Variants in LRPPRC observed in about 807,000 individuals in gnomAD.
LRPPRC encodes leucine-rich PPR motif-containing protein, mitochondrial.
A neutral mutation model predicts 180.3 loss-of-function variants in LRPPRC; 120 were observed. The observed-to-expected ratio is 0.67, with a 90% CI of 0.57 to 0.77. The LOEUF (loss-of-function observed/expected upper bound fraction) is 0.77, where lower values mean the gene tolerates loss of function less well. LRPPRC is among the 30% of genes least tolerant of loss of function. The pLI, the probability that LRPPRC is intolerant of heterozygous loss-of-function variation, is 0.00. For missense variants in LRPPRC, 2,012 were observed against 1,657.2 expected (o/e 1.21, Z -3.72); for synonymous variants, 723 against 600.0 (o/e 1.21, Z -3.00).
At chr2:43,993,567 A>G (rs554534561) in intron 1 of LRPPRC, among the ~76,000 whole-genome samples, 14 of 152,160 alleles carry the variant, frequency 9.2e-5, no homozygotes, top group Non-Finnish European at 1.6e-4. Context: ...TCTGTGTTTC[A>G]CGTGGGCAAG....
rs746311499 is a variant in LRPPRC at position 43,982,330 on chromosome 2, CAATCAAACTGATTGG to C, written c.239_253del (p.Ser80_Asp84del). The C allele has an allele frequency of 6.2e-7, 1 of 1,613,168 alleles. No individual in the cohort carries two copies. Among genetic ancestry groups the C allele is most frequent in the East Asian group, 2.2e-5 (1 of 44,880 alleles). Reference sequence around the variant, plus strand: ...AGAAAGATCTAGTCTCATTAGAGCCCAATCAAACTGATTGGAAATCTTCCTAGAAGAAAAAGTGGA... The same window carrying C: ...AGAAAGATCTAGTCTCATTAGAGCCCAAATCTTCCTAGAAGAAAAAGTGGA... On this transcript the variant is annotated inframe_deletion, in exon 2 of 38. Coordinates refer to ENST00000260665, the MANE Select transcript of LRPPRC (RefSeq NM_133259.4).
chr2:43,932,678 T>A (rs1030830513), intron 25 of LRPPRC, among the ~76,000 whole-genome samples: 3 of 152,190 alleles, frequency 2.0e-5, no homozygotes, highest in Non-Finnish European at 4.4e-5. Context: ...AGGGAATTAA[T>A]ATTATTGATC....
At chr2:43,990,321 CT>C (rs1674719067) in intron 1 of LRPPRC, among the ~76,000 whole-genome samples, 1 of 152,210 alleles carries the variant, frequency 6.6e-6, no homozygotes, top group South Asian at 2.1e-4. Flanking sequence ...CACCAATCTT[CT>C]GTTCTCTTTC....
chr2:43,979,374 C>T (rs78815559), intron 3 of LRPPRC, among the ~76,000 whole-genome samples: 36 of 152,124 alleles, frequency 2.4e-4, no homozygotes, highest in African/African-American at 7.5e-4. Flanking sequence ...AACAGTTACA[C>T]AGTAATCTAT....
At chr2:43,926,314 T>G (rs924453300) in intron 25 of LRPPRC, among the ~76,000 whole-genome samples, 21 of 152,194 alleles carry the variant, frequency 1.4e-4, no homozygotes, top group African/African-American at 5.1e-4. Context: ...TATACTGTCT[T>G]TAGTTCAAAA....
rs748429161 is a variant in LRPPRC, at chr2:43,960,536, C to G, written c.1582+5G>C. ...TCAAGTTTACCGCTAATGTTGTATA[C>G]TTACAAAATGATAATACAAAGTCTA... On this transcript the variant is annotated splice_donor_5th_base_variant and intron_variant, in intron 13 of 37. Transcript: ENST00000260665. 6.7e-7 allele frequency: 1 copy of G among 1,491,170 alleles called. No homozygotes were observed. The highest frequency in any genetic ancestry group is 9.3e-7 in the Non-Finnish European group (1 of 1,069,806). The allele number at this position is 1,491,170 out of a possible 1,614,324, so 92.4% of individuals were successfully genotyped here. A position where few individuals can be genotyped will look rare whatever the true frequency, so the allele number is the denominator to read the frequency against.
At chr2:43,936,776 T>C (rs1420979798) in intron 23 of LRPPRC, among the ~76,000 whole-genome samples, 1 of 152,158 alleles carries the variant, frequency 6.6e-6, no homozygotes, top group African/African-American at 2.4e-5. Flanking sequence ...TTTTTGTCAT[T>C]TGGGGTGAAG....
chr2:43,946,997 G>T (rs1194371299), intron 20 of LRPPRC, among the ~76,000 whole-genome samples: 1 of 152,040 alleles, frequency 6.6e-6, no homozygotes, highest in East Asian at 1.9e-4. Flanking sequence ...GGCTTGAAAG[G>T]ACATTTGGCA....
At chr2:43,910,436 T>A (rs746480716) in intron 30 of LRPPRC, among the ~76,000 whole-genome samples, 37 of 152,168 alleles carry the variant, frequency 2.4e-4, no homozygotes, top group Non-Finnish European at 4.6e-4. Flanking sequence ...GGTTTCACCA[T>A]GTTGGCCAGG....
chr2:43,974,531 G>T, intron 8 of LRPPRC, 83 bp downstream of exon 8: 1 of 1,042,346 alleles, frequency 9.6e-7, no homozygotes, highest in South Asian at 1.4e-5. Flanking sequence ...AATGCCCATT[G>T]TTAGAAAATG....
At chr2:43,951,095 G>C (rs1045167023) in intron 14 of LRPPRC, among the ~76,000 whole-genome samples, 1 of 152,162 alleles carries the variant, frequency 6.6e-6, no homozygotes, top group African/African-American at 2.4e-5. Flanking sequence ...CTTGTTACTT[G>C]TAATGGGAAA....
At chr2:43,959,279 A>G in intron 13 of LRPPRC, 1 of 702,832 alleles carries the variant, frequency 1.4e-6, no homozygotes, top group East Asian at 2.7e-5. Context: ...GCCAGCAATA[A>G]TACTCAATAT....
intron 25 of LRPPRC, among the ~76,000 whole-genome samples, chr2:43,931,863 GCTT>G (rs773887975): frequency 3.3e-5 from 5 of 152,062 alleles, no homozygotes; most frequent in African/African-American, 4.8e-5. Flanking sequence ...CATTTGCATG[GCTT>G]CCCAGTTGGA....
intron 1 of LRPPRC, among the ~76,000 whole-genome samples, chr2:43,986,290 C>T (rs554522996): frequency 1.4e-4 from 21 of 152,122 alleles, no homozygotes; most frequent in African/African-American, 4.8e-4. Context: ...CCACCATGCC[C>T]GACTAATTTT....
At chr2:43,917,995 A>T (rs1179964314) in intron 29 of LRPPRC, 30 bp downstream of exon 29, 4 of 735,262 alleles carry the variant, frequency 5.4e-6, no homozygotes, top group East Asian at 3.8e-5. Context: ...CCACCCCCCC[A>T]CACACACCCC....
intron 31 of LRPPRC, 76 bp downstream of exon 31, chr2:43,905,616 C>G: frequency 9.6e-7 from 1 of 1,038,232 alleles, no homozygotes; most frequent in South Asian, 1.3e-5. Context: ...CTCCTTTATC[C>G]AAGTATTCGA....
chr2:43,958,498 C>CTA (rs1160296575), intron 13 of LRPPRC, among the ~76,000 whole-genome samples: 1 of 152,148 alleles, frequency 6.6e-6, no homozygotes, highest in Non-Finnish European at 1.5e-5. Flanking sequence ...AGATCAGCTG[C>CTA]TATATTCCTT....
intron 25 of LRPPRC, among the ~76,000 whole-genome samples, chr2:43,933,375 A>G (rs1672158536): frequency 1.3e-5 from 2 of 152,192 alleles, no homozygotes; most frequent in South Asian, 2.1e-4. Flanking sequence ...TGTCCCCTGT[A>G]TATTTTTGGA....
Position 43,934,865 on chromosome 2 carries a change from T to C in LRPPRC, c.2518A>G (p.Thr840Ala), listed in dbSNP as rs1404968210. Reference sequence around the variant, plus strand: ...CAGTCAATGGCGACCTCAAGAGCAGTAGATAGGTCGCCCCTTAGAAACAAA... The same window carrying C: ...CAGTCAATGGCGACCTCAAGAGCAGCAGATAGGTCGCCCCTTAGAAACAAA... ...TVHLEKGDLSTALEVAIDCYE... is the reference protein window; with the variant it reads ...TVHLEKGDLSAALEVAIDCYE... The change falls in exon 24 of 38, where the codon ACT becomes GCT. Residue 840 changes from threonine (T) to alanine (A), a missense_variant. By Grantham distance (58) the Thr-to-Ala change is moderately conservative (BLOSUM62 0). Coordinates refer to ENST00000260665, the MANE Select transcript of LRPPRC (RefSeq NM_133259.4). 5 of 1,613,148 alleles carry C rather than the reference T, an allele frequency of 3.1e-6. No individual in the cohort carries two copies. The highest frequency in any genetic ancestry group is 2.7e-5 in the African/African-American group (2 of 75,018).
Sources: gnomAD v4.1 joint callset for allele counts (sites outside exome capture counted in the v4.1 genomes callset) on GRCh38, gnomAD v4.1.1 for gene constraint, MANE v1.5 for transcripts, NCBI Gene and HGNC (gene_info 2026-07-23, HGNC 2026-07-21) for gene names.